Variants in PPM1B observed in about 807,000 individuals in gnomAD.
The protein encoded by PPM1B is protein phosphatase 1B.
A neutral mutation model predicts 43.0 loss-of-function variants in PPM1B; 22 were observed. The ratio of observed to expected loss-of-function variants is 0.51; its 90% CI spans 0.37 to 0.73. The LOEUF is 0.73. PPM1B is among the 30% of genes least tolerant of loss of function. The probability of loss-of-function intolerance (pLI) is 0.00; values close to 1 mark genes in which losing one functional copy is unlikely to be tolerated. For missense variants in PPM1B, 632 were observed against 584.2 expected (o/e 1.08, Z -0.84); for synonymous variants, 217 against 197.9 (o/e 1.10, Z -0.81).
At chr2:44,177,941 A>G (rs1188646237) in intron 1 of PPM1B, among the ~76,000 whole-genome samples, 2 of 144,064 alleles carry the variant, frequency 1.4e-5, no homozygotes, top group African/African-American at 5.2e-5. Context: ...TTTTAATAAG[A>G]CAGTCCGGCT....
chr2:44,223,614 C>G (rs1340205036), intron 5 of PPM1B, among the ~76,000 whole-genome samples: 2 of 151,580 alleles, frequency 1.3e-5, no homozygotes, highest in Non-Finnish European at 2.9e-5. Context: ...TCAAGACCAT[C>G]CTGGCTAACA....
chr2:44,236,226 C>T (rs1367635819), downstream of PPM1B, among the ~76,000 whole-genome samples: 2 of 151,556 alleles, frequency 1.3e-5, no homozygotes, highest in East Asian at 1.9e-4. Context: ...TGAAACCTGT[C>T]TCTACTTAAA....
downstream of PPM1B, among the ~76,000 whole-genome samples, chr2:44,245,520 A>G (rs1248013165): frequency 6.6e-6 from 1 of 152,218 alleles, no homozygotes; most frequent in Admixed American, 6.5e-5. Flanking sequence ...GATGTAGTTG[A>G]TCTGAGTCAC....
At chr2:44,214,172 C>A (rs545201864) in intron 3 of PPM1B, among the ~76,000 whole-genome samples, 1 of 152,130 alleles carries the variant, frequency 6.6e-6, no homozygotes, top group Non-Finnish European at 1.5e-5. Context: ...CTTAGCTGCC[C>A]GGGTTCACAC....
chr2:44,243,642 GTCCTTT>G (rs1262558996), intron 5 of PPM1B, among the ~76,000 whole-genome samples: 1 of 151,896 alleles, frequency 6.6e-6, no homozygotes, highest in Non-Finnish European at 1.5e-5. Context: ...ATTTGAAGTT[GTCCTTT>G]ATGACATATT....
chr2:44,217,346 C>T (rs993928005), intron 3 of PPM1B, among the ~76,000 whole-genome samples: 1 of 151,282 alleles, frequency 6.6e-6, no homozygotes, highest in Non-Finnish European at 1.5e-5. Context: ...TTGCAGTGAG[C>T]CAAGATCACG....
chr2:44,234,992 G>C (rs1670571920), downstream of PPM1B, among the ~76,000 whole-genome samples: 1 of 152,160 alleles, frequency 6.6e-6, no homozygotes, highest in Non-Finnish European at 1.5e-5. Context: ...GATGGTTGAA[G>C]TTTATGAAGA....
intron 2 of PPM1B, among the ~76,000 whole-genome samples, chr2:44,206,826 T>C (rs533043648): frequency 6.6e-6 from 1 of 152,240 alleles, no homozygotes; most frequent in East Asian, 1.9e-4. Context: ...CCTCCCAAAC[T>C]GCGGGGATTA....
chr2:44,171,536 A>G (rs917303531), intron 1 of PPM1B, among the ~76,000 whole-genome samples: 4 of 152,212 alleles, frequency 2.6e-5, no homozygotes, highest in African/African-American at 9.6e-5. Flanking sequence ...TTCATTAAAA[A>G]GAGGCTATAT....
At chr2:44,173,078 G>A (rs548018965) in intron 1 of PPM1B, among the ~76,000 whole-genome samples, 1 of 152,334 alleles carries the variant, frequency 6.6e-6, no homozygotes, top group Non-Finnish European at 1.5e-5. Context: ...ACTTTGGGAA[G>A]CCAAGGCAGG....
intron 3 of PPM1B, among the ~76,000 whole-genome samples, chr2:44,210,865 C>T (rs1270568581): frequency 2.0e-5 from 3 of 152,214 alleles, no homozygotes; most frequent in East Asian, 1.9e-4. Flanking sequence ...TGACCCAGCA[C>T]GGTGGCTCAC....
chr2:44,204,030 G>T (rs1347920165), intron 2 of PPM1B, among the ~76,000 whole-genome samples: 2 of 152,172 alleles, frequency 1.3e-5, no homozygotes, highest in Non-Finnish European at 2.9e-5. Flanking sequence ...CAGAAATGAG[G>T]AATGATAATA....
chr2:44,175,743 G>A (rs1558385699), intron 1 of PPM1B, among the ~76,000 whole-genome samples: 1 of 151,718 alleles, frequency 6.6e-6, no homozygotes, highest in Non-Finnish European at 1.5e-5. Context: ...AAAGAGGAAA[G>A]AGGAAATATT....
chr2:44,232,664 A>G, downstream of PPM1B: 1 of 1,133,738 alleles, frequency 8.8e-7, no homozygotes, highest in Non-Finnish European at 1.1e-6. Context: ...CATGGGAAAT[A>G]TAGTTAGCTA....
Position 44,209,363 on chromosome 2 carries a change from A to T in PPM1B, c.964+36A>T, listed in dbSNP as rs559482422. On this transcript the variant is annotated intron_variant, in intron 3 of 5. Transcript: ENST00000282412. Reference sequence around the variant, plus strand: ...TGCTTTTTAAAAATATAGACAGGCCAGGCACGGTAGCTCATGCCTGTAATC... The same window carrying T: ...TGCTTTTTAAAAATATAGACAGGCCTGGCACGGTAGCTCATGCCTGTAATC... The T allele has an allele frequency of 3.1e-6, 5 of 1,609,628 alleles. No individual in the cohort carries two copies. The African/African-American group carries it at 5.3e-5, about 17-fold the overall frequency.
At chr2:44,244,354 C>A (rs746208871) in exon 6 of PPM1B, 3 of 1,357,326 alleles carry the variant, frequency 2.2e-6, no homozygotes, top group East Asian at 4.6e-5. Context: ...TAAACCCGAA[C>A]GAAAAATAAA....
At chr2:44,170,712 AG>A (rs1407543564) in intron 1 of PPM1B, among the ~76,000 whole-genome samples, 2 of 152,262 alleles carry the variant, frequency 1.3e-5, no homozygotes, top group African/African-American at 4.8e-5. Flanking sequence ...CTAAGTAAAT[AG>A]TGAGACAAGT....
chr2:44,242,102 C>G (rs930665818), intron 5 of PPM1B, among the ~76,000 whole-genome samples: 2 of 152,006 alleles, frequency 1.3e-5, no homozygotes, highest in Non-Finnish European at 2.9e-5. Context: ...TTGTGATCCA[C>G]CCACCTCGGC....
At chr2:44,232,109 G>T (rs1670484937), downstream of PPM1B, among the ~76,000 whole-genome samples, 2 of 151,906 alleles carry the variant, frequency 1.3e-5, no homozygotes, top group Non-Finnish European at 2.9e-5. Context: ...GAGAGGGGAG[G>T]AAAATAACCC....
Sources: gnomAD v4.1 joint callset for allele counts (sites outside exome capture counted in the v4.1 genomes callset) on GRCh38, gnomAD v4.1.1 for gene constraint, MANE v1.5 for transcripts, NCBI Gene and HGNC (gene_info 2026-07-23, HGNC 2026-07-21) for gene names.